Variants in CSMD1 observed in about 807,000 individuals in gnomAD.
The protein encoded by CSMD1 is CUB and sushi domain-containing protein 1.
In CSMD1, 213 loss-of-function variants were observed where a neutral mutation model predicts 417.5. The observed-to-expected ratio is 0.51, with a 90% CI of 0.46 to 0.57. CSMD1 has a LOEUF of 0.57. CSMD1 is among the 20% of genes least tolerant of loss of function. CSMD1 has a pLI of 0.00. For missense variants in CSMD1, 6,923 were observed against 4,529.7 expected (o/e 1.53, Z -15.17); for synonymous variants, 2,862 against 1,736.8 (o/e 1.65, Z -16.11).
At chr8:4,878,904 A>G (rs1395189674) in intron 1 of CSMD1, among the ~76,000 whole-genome samples, 1 of 151,680 alleles carries the variant, frequency 6.6e-6, no homozygotes, top group African/African-American at 2.4e-5. Context: ...TGCTCCGAGC[A>G]GAGAGAACGA....
chr8:4,475,601 TTTTTTC>T (rs528527672), intron 2 of CSMD1, among the ~76,000 whole-genome samples: 7 of 152,012 alleles, frequency 4.6e-5, no homozygotes, highest in East Asian at 1.9e-4. Flanking sequence ...TCTTAGGGTT[TTTTTTC>T]TTTTTCTTTT....
chr8:4,677,228 T>A (rs867439686), intron 1 of CSMD1, among the ~76,000 whole-genome samples: 1 of 151,320 alleles, frequency 6.6e-6, no homozygotes, highest in Non-Finnish European at 1.5e-5. Context: ...GTAGAAATAA[T>A]GCTCAGGGAA....
intron 3 of CSMD1, among the ~76,000 whole-genome samples, chr8:4,149,634 T>C (rs1796461249): frequency 6.6e-6 from 1 of 152,200 alleles, no homozygotes; most frequent in Non-Finnish European, 1.5e-5. Context: ...AGAATCATCC[T>C]AGCTCAACAC....
chr8:4,414,840 C>T (rs991172441), intron 3 of CSMD1, among the ~76,000 whole-genome samples: 2 of 152,128 alleles, frequency 1.3e-5, no homozygotes, highest in African/African-American at 4.8e-5. Flanking sequence ...CTCAAGGGTA[C>T]AAAGAGTAAT....
intron 2 of CSMD1, among the ~76,000 whole-genome samples, chr8:4,473,062 T>C (rs942902689): frequency 3.9e-5 from 6 of 152,154 alleles, no homozygotes; most frequent in Non-Finnish European, 5.9e-5. Context: ...TAAGTGATAT[T>C]TTAGGATATG....
At position 3,895,914 on chromosome 8, in the gene CSMD1, T is replaced by C. The variant is rs73661018; in HGVS notation, c.818+101989A>G. ...CTGAAACTCTGTATGCACACTCAGG[T>C]GGGAGAGGCACCAACCAATAGGCAC... is the stretch of plus-strand genomic sequence containing the variant. On this transcript the variant is annotated intron_variant, in intron 5 of 69. Transcript: ENST00000635120. 3.9e-3 allele frequency among the ~76,000 whole-genome samples: 588 copies of C among 152,284 alleles called. 8 individuals carry two copies. Among genetic ancestry groups the C allele is most frequent in the African/African-American group, 0.014 (566 of 41,552 alleles).
At chr8:3,728,386 G>C (rs1268987883) in intron 6 of CSMD1, among the ~76,000 whole-genome samples, 1 of 152,130 alleles carries the variant, frequency 6.6e-6, no homozygotes, top group Non-Finnish European at 1.5e-5. Context: ...ACCCAGTATT[G>C]GGTATGTCTT....
At chr8:3,549,655 C>G (rs1255935769) in intron 10 of CSMD1, among the ~76,000 whole-genome samples, 2 of 152,174 alleles carry the variant, frequency 1.3e-5, no homozygotes, top group Non-Finnish European at 2.9e-5. Context: ...TGGGAGAAAT[C>G]TAGGAGAAAT....
intron 3 of CSMD1, among the ~76,000 whole-genome samples, chr8:4,208,026 G>A (rs1800085759): frequency 1.3e-5 from 2 of 152,100 alleles, no homozygotes; most frequent in Non-Finnish European, 2.9e-5. Flanking sequence ...CCAACAGTAG[G>A]AGAATATGTA....
At position 4,488,687 on chromosome 8, in the gene CSMD1, G is replaced by GT. The variant is rs566136908; in HGVS notation, c.303-68623_303-68622insA. ...AAGAATTACATAATCATGGCGGTGG[G>GT]GGGGGTGAAAAGTGTGGATATGTGG... On this transcript the variant is annotated intron_variant, in intron 2 of 69. Coordinates refer to ENST00000635120, the MANE Select transcript of CSMD1 (RefSeq NM_033225.6). 1.2e-3 allele frequency among the ~76,000 whole-genome samples: 183 copies of GT among 152,048 alleles called. 1 individual carries two copies. Among genetic ancestry groups the GT allele is most frequent in the African/African-American group, 4.2e-3 (174 of 41,466 alleles).
At chr8:4,708,408 T>C (rs1047710047) in intron 1 of CSMD1, among the ~76,000 whole-genome samples, 1 of 152,204 alleles carries the variant, frequency 6.6e-6, no homozygotes, top group Non-Finnish European at 1.5e-5. Context: ...AATATGTATC[T>C]GGTAAAAAGT....
intron 5 of CSMD1, among the ~76,000 whole-genome samples, chr8:3,891,136 C>T (rs755026876): frequency 6.6e-6 from 1 of 152,050 alleles, no homozygotes; most frequent in Non-Finnish European, 1.5e-5. Context: ...ACAACCTCCA[C>T]CTCTTGGGCT....
chr8:4,068,846 A>G (rs781185281), intron 3 of CSMD1, among the ~76,000 whole-genome samples: 20 of 152,216 alleles, frequency 1.3e-4, no homozygotes, highest in African/African-American at 1.9e-4. Context: ...CTGTATCAAA[A>G]TGCAGCTCCA....
chr8:4,634,640 G>T (rs2616996), intron 2 of CSMD1, among the ~76,000 whole-genome samples: 106,781 of 152,036 alleles, frequency 0.7, 37,780 homozygotes, highest in Admixed American at 0.8. Flanking sequence ...CTGCCTTAAG[G>T]GTTGCTACTT....
At chr8:3,663,232 G>T (rs531653520) in intron 7 of CSMD1, among the ~76,000 whole-genome samples, 1 of 152,258 alleles carries the variant, frequency 6.6e-6, no homozygotes, top group East Asian at 1.9e-4. Context: ...ACAAAGAGTT[G>T]AAGAGGCCGT....
At chr8:3,856,540 C>G (rs1156939931) in intron 5 of CSMD1, among the ~76,000 whole-genome samples, 1 of 152,182 alleles carries the variant, frequency 6.6e-6, no homozygotes, top group East Asian at 1.9e-4. Context: ...AATGCAACGA[C>G]TGTCCACATC....
At chr8:3,792,556 T>A (rs761502694) in intron 5 of CSMD1, among the ~76,000 whole-genome samples, 50 of 152,306 alleles carry the variant, frequency 3.3e-4, no homozygotes, top group Non-Finnish European at 6.8e-4. Flanking sequence ...CTAGTAACTT[T>A]GGAATTGACT....
intron 4 of CSMD1, among the ~76,000 whole-genome samples, chr8:4,002,647 G>C (rs1815778425): frequency 6.6e-6 from 1 of 152,176 alleles, no homozygotes; most frequent in Admixed American, 6.5e-5. Context: ...ATCGCTAAAG[G>C]ATAAAAGCTT....
chr8:3,266,772 C>G (rs577343815), intron 26 of CSMD1, among the ~76,000 whole-genome samples: 64 of 119,970 alleles, frequency 5.3e-4, no homozygotes, highest in African/African-American at 2.0e-3. Context: ...GAGACACTGT[C>G]TTAAAAAAAA....
Sources: allele counts gnomAD v4.1 joint callset (sites outside exome capture counted in the v4.1 genomes callset), GRCh38; gene constraint gnomAD v4.1.1; transcripts MANE v1.5; gene names NCBI Gene and HGNC (gene_info 2026-07-23, HGNC 2026-07-21).